Variants in MYCBP2 observed in about 807,000 individuals in gnomAD.
The protein encoded by MYCBP2 is E3 ubiquitin-protein ligase MYCBP2.
Under a neutral mutation model 525.3 loss-of-function variants are expected in MYCBP2, and 120 were observed. That is an observed-to-expected ratio of 0.23 (90% CI 0.20 to 0.27). MYCBP2 has a LOEUF of 0.27. MYCBP2 is among the 10% of genes least tolerant of loss of function. The pLI is 1.00. For missense variants in MYCBP2, 4,149 were observed against 5,657.1 expected (o/e 0.73, Z 8.55); for synonymous variants, 1,894 against 1,955.8 (o/e 0.97, Z 0.83).
intron 57 of MYCBP2, 138 bp downstream of exon 57, chr13:77,096,174 G>T: frequency 2.3e-6 from 2 of 879,680 alleles, no homozygotes; most frequent in Non-Finnish European, 3.3e-6. Flanking sequence ...TATTAAATTT[G>T]TATATGATTT....
At position 77,058,334 on chromosome 13, in the gene MYCBP2, G is replaced by A; in HGVS notation, c.13213C>T (p.His4405Tyr). The A allele has an allele frequency of 1.2e-6, 2 of 1,614,084 alleles. No individual in the cohort carries two copies. Among genetic ancestry groups the A allele is most frequent in the Non-Finnish European group, 1.7e-6 (2 of 1,180,012 alleles). The stretch of plus-strand genomic sequence containing the variant: ...CAGCCGTGTAGACAGGGCAGACAGT[G>A]CTCTTCGTTTTTAACACCCCCGCAT... ...HPCGGVKNEE[H>Y]CLPCLHGCDK... The change falls in exon 78 of 83, where the codon CAC becomes TAC. Residue 4405 changes from histidine to tyrosine, a missense_variant. Transcript: ENST00000544440. The surrounding 1 kb of genome is among the most constrained non-coding windows in gnomAD (Gnocchi z 4.1).
intron 38 of MYCBP2, 30 bp from the exon 39 acceptor site, chr13:77,169,744 T>C: frequency 6.4e-7 from 1 of 1,552,554 alleles, no homozygotes; most frequent in Non-Finnish European, 8.9e-7. Flanking sequence ...GCATTAAAAC[T>C]ATAGTCAGAA....
intron 17 of MYCBP2, among the ~76,000 whole-genome samples, chr13:77,238,120 G>A (rs541691775): frequency 3.8e-4 from 58 of 152,010 alleles, no homozygotes; most frequent in Admixed American, 2.0e-3. Context: ...GTGAACGCCT[G>A]CAGTCCCAGC....
intron 53 of MYCBP2, 91 bp downstream of exon 53, chr13:77,126,226 TG>T: frequency 9.9e-7 from 1 of 1,007,464 alleles, no homozygotes; most frequent in Non-Finnish European, 1.5e-6. Flanking sequence ...GAAAAACCTG[TG>T]GTAGAAATGG....
chr13:77,124,627 A>C (rs2051332922), intron 54 of MYCBP2, among the ~76,000 whole-genome samples: 1 of 152,220 alleles, frequency 6.6e-6, no homozygotes, highest in Admixed American at 6.5e-5. Context: ...GGGACTCATA[A>C]CTGGGTATGA....
chr13:77,168,661 A>G lies in MYCBP2; in HGVS notation c.5896-15T>C, dbSNP rs1217503401. 4 of 1,611,316 alleles carry G rather than the reference A, an allele frequency of 2.5e-6. No individual in the cohort carries two copies. The African/African-American group carries it at 4.0e-5, about 16-fold the overall frequency. On this transcript the variant is annotated splice_polypyrimidine_tract_variant and intron_variant, in intron 39 of 82. Coordinates refer to ENST00000544440, the MANE Select transcript of MYCBP2 (RefSeq NM_015057.5). ...TCTACAGCCACCTAGTACACATATA[A>G]AAATATGGTTAAATGAGATACACGT...
At chr13:77,211,909 A>G in intron 22 of MYCBP2, 47 bp downstream of exon 22, 2 of 1,442,332 alleles carry the variant, frequency 1.4e-6, no homozygotes, top group Non-Finnish European at 1.9e-6. Context: ...TTTACTATCA[A>G]TCAAGACAAG....
chr13:77,166,217 C>CT lies in MYCBP2; in HGVS notation c.6340+111dup, dbSNP rs2058502886. 5 of 804,030 alleles carry CT rather than the reference C, an allele frequency of 6.2e-6. No homozygotes were observed. In the East Asian group the frequency reaches 1.3e-4, roughly 22 times the overall value. The allele number at this position is 804,030 out of a possible 1,614,324, so 49.8% of individuals were successfully genotyped here. ...AATGCAATCCAGATACATAGTAGGT[C>CT]TTTAATAAATTTCTCTAAAAATTAG... On this transcript the variant is annotated intron_variant, in intron 41 of 82. Transcript: ENST00000544440.
chr13:77,067,711 A>C lies in MYCBP2; in HGVS notation c.12325T>G (p.Phe4109Val). ...DWNKLGILDM[F>V]LGCIAKALTV... ...AGTGCTTTGGCAATGCATCCTAGAA[A>C]CATGTCCAAGATACCCAGCTTATTC... is the stretch of plus-strand genomic sequence containing the variant. Residue 4109 changes from phenylalanine (F) to valine (V), a missense_variant, in exon 71 of 83, where the codon TTT becomes GTT. This residue lies in a region of MYCBP2 where 148 missense variants were observed against 179.4 expected (regional missense o/e 0.82). Coordinates refer to ENST00000544440, the MANE Select transcript of MYCBP2 (RefSeq NM_015057.5). 1.2e-6 allele frequency: 2 copies of C among 1,614,078 alleles called. No homozygotes were observed. Among genetic ancestry groups the C allele is most frequent in the Non-Finnish European group, 1.7e-6 (2 of 1,180,008 alleles).
chr13:77,274,127 A>G (rs749354058), intron 4 of MYCBP2, among the ~76,000 whole-genome samples: 2 of 152,242 alleles, frequency 1.3e-5, no homozygotes, highest in African/African-American at 2.4e-5. Context: ...CATTAACATA[A>G]TAGCAATTCA....
chr13:77,254,885 CAT>C (rs2071890668), intron 14 of MYCBP2, among the ~76,000 whole-genome samples: 1 of 151,942 alleles, frequency 6.6e-6, no homozygotes, highest in Non-Finnish European at 1.5e-5. Flanking sequence ...TTGCAGTTAA[CAT>C]CATGTCCTTC....
At chr13:77,322,783 T>C (rs994855130) in intron 1 of MYCBP2, among the ~76,000 whole-genome samples, 2 of 152,246 alleles carry the variant, frequency 1.3e-5, no homozygotes, top group African/African-American at 4.8e-5. Flanking sequence ...CCCAAGTGCA[T>C]GGTTATACCA....
rs1243836804 is a variant in MYCBP2 at position 77,051,026 on chromosome 13, G to A, written c.13892C>T (p.Pro4631Leu). The change falls in exon 82 of 83, where the codon CCT (proline) becomes CTT (leucine). Residue 4631 changes from proline to leucine, a missense_variant. This residue lies in a region of MYCBP2 where 45 missense variants were observed against 130.1 expected (regional missense o/e 0.35). Coordinates refer to ENST00000544440, the MANE Select transcript of MYCBP2 (RefSeq NM_015057.5). Reference protein sequence around the residue: ...HDDFQRMTSIPKEELPHCPAG... With the variant: ...HDDFQRMTSILKEELPHCPAG... ...AGGACAGTGTGGTAGTTCTTCCTTA[G>A]GAATGCTAGTCATTCTTTGAAAATC... The A allele has an allele frequency of 6.2e-7, 1 of 1,612,976 alleles. No individual in the cohort carries two copies. The highest frequency in any genetic ancestry group is 1.7e-5 in the Admixed American group (1 of 59,864).
intron 23 of MYCBP2, among the ~76,000 whole-genome samples, chr13:77,208,068 T>G (rs915034188): frequency 3.0e-4 from 46 of 151,282 alleles, no homozygotes; most frequent in Admixed American, 8.6e-4. Flanking sequence ...TTCCTTTTCA[T>G]GTGCAACATG....
At chr13:77,316,732 T>C (rs2080991109) in intron 1 of MYCBP2, among the ~76,000 whole-genome samples, 3 of 152,316 alleles carry the variant, frequency 2.0e-5, no homozygotes, top group South Asian at 4.1e-4. Context: ...CTTTAATCTA[T>C]GGCTAGTATT....
At chr13:77,228,596 T>G (rs1323217842) in intron 18 of MYCBP2, among the ~76,000 whole-genome samples, 1 of 151,814 alleles carries the variant, frequency 6.6e-6, no homozygotes, top group Non-Finnish European at 1.5e-5. Context: ...ATATAAAAAA[T>G]TAAACATTGT....
intron 46 of MYCBP2, among the ~76,000 whole-genome samples, chr13:77,151,679 T>C (rs1230200943): frequency 6.6e-6 from 1 of 152,220 alleles, no homozygotes; most frequent in Non-Finnish European, 1.5e-5. Context: ...AAAAATACCT[T>C]TTAGATATAT....
At position 77,190,435 on chromosome 13, in the gene MYCBP2, T is replaced by A; in HGVS notation, c.4071-100A>T. ...CAAATCTTATGTCAATGAAAATGAT[T>A]CACTCTTTTACATAAAGAAAAGCAA... On this transcript the variant is annotated intron_variant, in intron 28 of 82. Coordinates refer to ENST00000544440, the MANE Select transcript of MYCBP2 (RefSeq NM_015057.5). The A allele has an allele frequency of 4.1e-6, 3 of 726,002 alleles. No homozygotes were observed. In the South Asian group the frequency reaches 5.7e-5, roughly 14 times the overall value. The allele number at this position is 726,002 out of a possible 1,614,324, so 45.0% of individuals were successfully genotyped here. A position where few individuals can be genotyped will look rare whatever the true frequency, so the allele number is the denominator to read the frequency against.
intron 3 of MYCBP2, among the ~76,000 whole-genome samples, chr13:77,286,341 A>C (rs74095703): frequency 6.6e-6 from 1 of 152,232 alleles, no homozygotes; most frequent in Non-Finnish European, 1.5e-5. Context: ...ATCATTTTGA[A>C]TAGCTCTGTT....
Sources: gnomAD v4.1 joint callset for allele counts (sites outside exome capture counted in the v4.1 genomes callset) on GRCh38, gnomAD v4.1.1 for gene constraint, gnomAD v4.1.1 regional missense constraint, Gnocchi (gnomAD v3.1) non-coding constraint, MANE v1.5 for transcripts, NCBI Gene and HGNC (gene_info 2026-07-23, HGNC 2026-07-21) for gene names.